The following PARD3B variants were observed in gnomAD, a reference collection of about 807,000 sequenced individuals.
PARD3B encodes par-3 family cell polarity regulator beta.
Under a neutral mutation model 130.2 loss-of-function variants are expected in PARD3B, and 103 were observed. That is an observed-to-expected ratio of 0.79 (90% CI 0.67 to 0.93). The LOEUF (loss-of-function observed/expected upper bound fraction) is 0.93, where lower values mean the gene tolerates loss of function less well. Ranked by LOEUF, PARD3B falls within the 40% of genes least tolerant of loss-of-function variation. The pLI is 0.00. For synonymous variants in PARD3B, 583 were observed against 553.2 expected (o/e 1.05, Z -0.76); for missense variants, 1,609 against 1,499.2 (o/e 1.07, Z -1.21).
chr2:205,603,129 T>C (rs2054855044), intron 22 of PARD3B, among the ~76,000 whole-genome samples: 1 of 152,234 alleles, frequency 6.6e-6, no homozygotes, highest in Non-Finnish European at 1.5e-5. Flanking sequence ...GCAGGAGTTA[T>C]TCAGGAGCAG....
At chr2:205,090,003 T>C (rs547953256) in intron 4 of PARD3B, among the ~76,000 whole-genome samples, 1 of 152,336 alleles carries the variant, frequency 6.6e-6, no homozygotes, top group African/African-American at 2.4e-5. Context: ...AAGAGGTGAT[T>C]TGCTGTATTT....
chr2:205,594,139 C>A (rs1009550757), intron 22 of PARD3B, among the ~76,000 whole-genome samples: 2 of 152,162 alleles, frequency 1.3e-5, no homozygotes, highest in African/African-American at 2.4e-5. Flanking sequence ...CCTGTCAACT[C>A]ATTGGAGGCC....
intron 2 of PARD3B, among the ~76,000 whole-genome samples, chr2:204,820,653 A>G (rs1464611494): frequency 6.6e-6 from 1 of 151,758 alleles, no homozygotes; most frequent in Non-Finnish European, 1.5e-5. Flanking sequence ...CATCTCTACT[A>G]AAAATACAAA....
At chr2:205,071,590 AT>A (rs1254323623) in intron 4 of PARD3B, among the ~76,000 whole-genome samples, 3 of 152,174 alleles carry the variant, frequency 2.0e-5, no homozygotes, top group African/African-American at 7.2e-5. Context: ...TATGGATTTG[AT>A]TTATTCTACA....
intron 3 of PARD3B, among the ~76,000 whole-genome samples, chr2:205,020,406 C>G (rs997059390): frequency 6.6e-6 from 1 of 152,040 alleles, no homozygotes; most frequent in Non-Finnish European, 1.5e-5. Flanking sequence ...TTTGATATTG[C>G]ACATAAAACT....
rs752388235 is a variant in PARD3B, at chr2:205,105,738, G to A, written c.593+1224G>A. On this transcript the variant is annotated intron_variant, in intron 5 of 22. Transcript: ENST00000406610. The surrounding 1 kb of genome is among the most constrained non-coding windows in gnomAD (Gnocchi z 4.0). Reference sequence around the variant, plus strand: ...GGATCACTTGAGTGCAGGAGTTCGAGTCCATCTTGCAACATAGGGAGACCC... The same window carrying A: ...GGATCACTTGAGTGCAGGAGTTCGAATCCATCTTGCAACATAGGGAGACCC... 6.6e-6 allele frequency among the ~76,000 whole-genome samples: 1 copy of A among 151,338 alleles called. No individual in the cohort carries two copies. The highest frequency in any genetic ancestry group is 1.5e-5 in the Non-Finnish European group (1 of 67,890).
rs539070925 is a variant in PARD3B at position 205,350,146 on chromosome 2, G to A, written c.2630+48445G>A. Among the ~76,000 whole-genome samples the A allele has an allele frequency of 8.5e-5, 13 of 152,234 alleles. No homozygotes were observed. The South Asian group carries it at 2.5e-3, about 29-fold the overall frequency. ...TTCTGGAGCAGCTTATAAAGATTGG[G>A]GTTTAGGTTAAAAGCACATCACAGG... On this transcript the variant is annotated intron_variant, in intron 18 of 22. Transcript: ENST00000406610.
chr2:205,537,209 G>A (rs1337593166), intron 21 of PARD3B, among the ~76,000 whole-genome samples: 1 of 152,056 alleles, frequency 6.6e-6, no homozygotes, highest in African/African-American at 2.4e-5. Flanking sequence ...TGTTGATTCT[G>A]CTCAACATTC....
At chr2:204,642,002 A>AG (rs1303329251) in intron 1 of PARD3B, among the ~76,000 whole-genome samples, 1 of 152,150 alleles carries the variant, frequency 6.6e-6, no homozygotes, top group Non-Finnish European at 1.5e-5. Context: ...CAAGTATCTC[A>AG]GAAAAAAAAA....
intron 3 of PARD3B, 90 bp from the exon 4 acceptor site, chr2:205,047,491 T>G (rs1045837547): frequency 1.4e-6 from 1 of 707,556 alleles, no homozygotes; most frequent in African/African-American, 1.8e-5. Flanking sequence ...AAAAGCCTGT[T>G]GTAAACCTTT....
Position 205,031,675 on chromosome 2 carries a change from TAATA to T in PARD3B, c.395-15897_395-15894del, listed in dbSNP as rs549021292. Among the ~76,000 whole-genome samples the T allele has an allele frequency of 2.9e-3, 434 of 152,234 alleles. 3 individuals are homozygous for T. The highest frequency in any genetic ancestry group is 9.9e-3 in the African/African-American group (412 of 41,550). On this transcript the variant is annotated intron_variant, in intron 3 of 22. Coordinates refer to ENST00000406610, the MANE Select transcript of PARD3B (RefSeq NM_001302769.2). ...TTGTCTGTTTTATGCTATTGAGCTATAATAAATAAATAGCGTAATGCAGTACTTA... is the reference window on the plus strand; with the variant it reads ...TTGTCTGTTTTATGCTATTGAGCTATAATAAATAGCGTAATGCAGTACTTA...
At chr2:205,603,038 C>A (rs1467354166) in intron 22 of PARD3B, among the ~76,000 whole-genome samples, 1 of 152,104 alleles carries the variant, frequency 6.6e-6, no homozygotes, top group African/African-American at 2.4e-5. Flanking sequence ...TATCTGCATC[C>A]CAGAAATTCT....
chr2:205,249,151 A>C (rs2039722029), intron 16 of PARD3B, among the ~76,000 whole-genome samples: 1 of 150,284 alleles, frequency 6.7e-6, no homozygotes, highest in Non-Finnish European at 1.5e-5. Flanking sequence ...CTGGGATTAC[A>C]GGCATGTGTG....
chr2:204,764,833 C>T (rs565011271), intron 2 of PARD3B, among the ~76,000 whole-genome samples: 1 of 151,958 alleles, frequency 6.6e-6, no homozygotes, highest in East Asian at 1.9e-4. Flanking sequence ...TTATATAAAC[C>T]TCATATTTAA....
At chr2:204,734,029 A>G (rs2039635752) in intron 2 of PARD3B, among the ~76,000 whole-genome samples, 1 of 152,200 alleles carries the variant, frequency 6.6e-6, no homozygotes, top group South Asian at 2.1e-4. Flanking sequence ...GCGTATGCTT[A>G]ATAAAGGACT....
chr2:205,489,934 T>C (rs1378821685), intron 20 of PARD3B, among the ~76,000 whole-genome samples: 6 of 152,070 alleles, frequency 3.9e-5, no homozygotes, highest in Admixed American at 3.9e-4. Context: ...ATGCCTTTTA[T>C]CAGAAGAGGA....
chr2:204,747,009 T>C lies in PARD3B; in HGVS notation c.222+60727T>C, dbSNP rs867496186. Among the ~76,000 whole-genome samples, 109 of 152,310 alleles carry C rather than the reference T, an allele frequency of 7.2e-4. 1 individual carries two copies. In the Middle Eastern group the frequency reaches 0.014, roughly 19 times the overall value. On this transcript the variant is annotated intron_variant, in intron 2 of 22. Transcript: ENST00000406610. ...AGATCCCATTTGTCAATTTTGGCTT[T>C]TGTTGCCATTGCTTTTGGTGTTTTA...
intron 19 of PARD3B, among the ~76,000 whole-genome samples, chr2:205,409,403 G>T (rs2046521437): frequency 6.6e-6 from 1 of 152,150 alleles, no homozygotes; most frequent in Non-Finnish European, 1.5e-5. Context: ...ACACAGCCCG[G>T]GGTGAAGGTA....
chr2:205,273,789 T>C (rs1403597209), intron 16 of PARD3B, among the ~76,000 whole-genome samples: 1 of 152,230 alleles, frequency 6.6e-6, no homozygotes, highest in Non-Finnish European at 1.5e-5. Flanking sequence ...ATGTATACAG[T>C]CGCACCGTAT....
Sources: allele counts gnomAD v4.1 joint callset (sites outside exome capture counted in the v4.1 genomes callset), GRCh38; gene constraint gnomAD v4.1.1; non-coding constraint Gnocchi (gnomAD v3.1); transcripts MANE v1.5; gene names NCBI Gene and HGNC (gene_info 2026-07-23, HGNC 2026-07-21).